Variants in CASR observed in about 807,000 individuals in gnomAD.
The protein encoded by CASR is calcium sensing receptor.
In CASR, 23 loss-of-function variants were observed where a neutral mutation model predicts 69.1. The ratio of observed to expected loss-of-function variants is 0.33; its 90% CI spans 0.24 to 0.47. The LOEUF (loss-of-function observed/expected upper bound fraction) is 0.47, where lower values mean the gene tolerates loss of function less well. Ranked by LOEUF, CASR falls within the 20% of genes least tolerant of loss-of-function variation. CASR has a pLI of 1.00. For synonymous variants in CASR, 541 were observed against 544.7 expected (o/e 0.99, Z 0.10); for missense variants, 924 against 1,356.1 (o/e 0.68, Z 5.00).
chr3:122,215,106 T>C (rs201168165), intron 1 of CASR, among the ~76,000 whole-genome samples: 1 of 12,012 alleles, frequency 8.3e-5, no homozygotes, highest in Non-Finnish European at 2.5e-4. Context: ...GAGAAAGTCT[T>C]TGCCTATGCA....
intron 4 of CASR, among the ~76,000 whole-genome samples, chr3:122,264,166 T>C (rs2074660444): frequency 6.7e-6 from 1 of 149,362 alleles, no homozygotes; most frequent in South Asian, 2.1e-4. Flanking sequence ...AGTTGTGTAA[T>C]AGAAAGCCCT....
At chr3:122,184,645 G>C (rs1351911410) in intron 1 of CASR, 4 of 152,526 alleles carry the variant, frequency 2.6e-5, no homozygotes, top group Non-Finnish European at 5.9e-5. Context: ...CGCCGGAGCA[G>C]CTCCAGCCTG....
intron 5 of CASR, among the ~76,000 whole-genome samples, chr3:122,280,211 C>T (rs956906819): frequency 1.3e-5 from 2 of 152,140 alleles, no homozygotes; most frequent in Non-Finnish European, 2.9e-5. Context: ...GAACATACCT[C>T]GAAATAATAA....
At chr3:122,252,459 G>GAGAAAGAAAGAAAGAAAGAAAAAAAAGAA (rs2074506964) in intron 1 of CASR, among the ~76,000 whole-genome samples, 1 of 62,288 alleles carries the variant, frequency 1.6e-5, no homozygotes, top group Non-Finnish European at 3.1e-5. Context: ...AAAAAGAAAA[G>GAGAAAGAAAGAAAGAAAGAAAAAAAAGAA]AAAGAAAAGA....
chr3:122,243,253 G>C (rs568273211), intron 1 of CASR, among the ~76,000 whole-genome samples: 2 of 152,256 alleles, frequency 1.3e-5, no homozygotes, highest in Non-Finnish European at 2.9e-5. Context: ...CAGAATGTGA[G>C]AAAATATTCG....
chr3:122,287,546 G>A lies in CASR; in HGVS notation c.*2355G>A, dbSNP rs2074980531. 6.6e-6 allele frequency: 1 copy of A among 152,252 alleles called. No individual in the cohort carries two copies. Among genetic ancestry groups the A allele is most frequent in the Non-Finnish European group, 1.5e-5 (1 of 68,044 alleles). 9.4% of individuals were successfully genotyped at this position (152,252 alleles called of 1,614,324 possible). Reference sequence around the variant, plus strand: ...CAGTGTTTTCTGAGCCAATTTAGATGTTTGGGGATCAATTCAGAGGTTGTT... The same window carrying A: ...CAGTGTTTTCTGAGCCAATTTAGATATTTGGGGATCAATTCAGAGGTTGTT... On this transcript the variant is annotated 3_prime_UTR_variant, in exon 7 of 7. Coordinates refer to ENST00000639785, the MANE Select transcript of CASR (RefSeq NM_000388.4).
chr3:122,225,571 A>C (rs1396219718), intron 1 of CASR, among the ~76,000 whole-genome samples: 1 of 144,906 alleles, frequency 6.9e-6, no homozygotes, highest in Admixed American at 6.8e-5. Context: ...AAAAAAAAAA[A>C]AACAGATGTT....
chr3:122,268,322 G>C (rs2074717108), intron 4 of CASR, among the ~76,000 whole-genome samples: 1 of 152,336 alleles, frequency 6.6e-6, no homozygotes, highest in Non-Finnish European at 1.5e-5. Flanking sequence ...AGAGAAGTCA[G>C]AATGATTTTC....
At position 122,285,602 on chromosome 3, in the gene CASR, TCC is replaced by T; in HGVS notation, c.*412_*413del. On this transcript the variant is annotated 3_prime_UTR_variant, in exon 7 of 7. Coordinates refer to ENST00000639785, the MANE Select transcript of CASR (RefSeq NM_000388.4). ...AGTCTGAAAGACAGAATGTCACCAGTCCTGCCCAATGCCTTGACAACAGACTG... is the reference window on the plus strand; with the variant it reads ...AGTCTGAAAGACAGAATGTCACCAGTTGCCCAATGCCTTGACAACAGACTG... 1 of 218,418 alleles carries T rather than the reference TCC, an allele frequency of 4.6e-6. No individual in the cohort carries two copies. Among genetic ancestry groups the T allele is most frequent in the Non-Finnish European group, 9.3e-6 (1 of 108,024 alleles). 13.5% of individuals were successfully genotyped at this position (218,418 alleles called of 1,614,324 possible). A position where few individuals can be genotyped will look rare whatever the true frequency, so the allele number is the denominator to read the frequency against.
At chr3:122,204,820 GATA>G (rs2073990849) in intron 1 of CASR, among the ~76,000 whole-genome samples, 3 of 151,972 alleles carry the variant, frequency 2.0e-5, no homozygotes, top group Admixed American at 2.0e-4. Context: ...TGTCTCTGAT[GATA>G]CATGATGTTG....
intron 4 of CASR, among the ~76,000 whole-genome samples, chr3:122,267,434 A>T (rs1015254826): frequency 2.6e-5 from 4 of 152,240 alleles, no homozygotes; most frequent in Non-Finnish European, 5.9e-5. Context: ...AGGAAAAAAA[A>T]ATATCATTTG....
intron 1 of CASR, among the ~76,000 whole-genome samples, chr3:122,242,426 C>T (rs1260125018): frequency 2.6e-5 from 4 of 151,986 alleles, no homozygotes; most frequent in African/African-American, 4.8e-5. Context: ...AGTAGTCCCA[C>T]GTATAATAGT....
At position 122,215,411 on chromosome 3, in the gene CASR, T is replaced by G. The variant is rs372158962; in HGVS notation, c.-243+31599T>G. On this transcript the variant is annotated intron_variant, in intron 1 of 6. Coordinates refer to ENST00000639785, the MANE Select transcript of CASR (RefSeq NM_000388.4). The stretch of plus-strand genomic sequence containing the variant: ...ATCTATCTACATCCACAACTCATAA[T>G]TAGCTACTGTAAATATTTTGGCCTA... Among the ~76,000 whole-genome samples the G allele has an allele frequency of 2.8e-4, 42 of 152,354 alleles. No individual in the cohort carries two copies. The South Asian group carries it at 8.5e-3, about 31-fold the overall frequency.
At chr3:122,228,609 G>A (rs890414954) in intron 1 of CASR, among the ~76,000 whole-genome samples, 1 of 152,192 alleles carries the variant, frequency 6.6e-6, no homozygotes, top group African/African-American at 2.4e-5. Context: ...AAAGAGAAGG[G>A]GCTGAAGGAC....
chr3:122,231,169 G>A lies in CASR; in HGVS notation c.-242-22779G>A, dbSNP rs1576836745. 2.0e-5 allele frequency among the ~76,000 whole-genome samples: 3 copies of A among 152,302 alleles called. No homozygotes were observed. In the East Asian group the frequency reaches 5.8e-4, roughly 29 times the overall value. On this transcript the variant is annotated intron_variant, in intron 1 of 6. Coordinates refer to ENST00000639785, the MANE Select transcript of CASR (RefSeq NM_000388.4). ...CTAATCCCATCCACCATGCAGACAG[G>A]ATGCTAACCAGTCTCAGAGGACACC...
chr3:122,201,632 C>A (rs1211837509), intron 1 of CASR, among the ~76,000 whole-genome samples: 3 of 115,910 alleles, frequency 2.6e-5, no homozygotes, highest in South Asian at 2.6e-4. Context: ...GCGGGGGCGA[C>A]CCCCCACCTC....
rs76243271 is a variant in CASR, at chr3:122,197,820, C to T, written c.-243+14008C>T. Among the ~76,000 whole-genome samples the T allele has an allele frequency of 3.7e-3, 564 of 152,304 alleles. 4 individuals carry two copies. The highest frequency in any genetic ancestry group is 0.013 in the African/African-American group (523 of 41,570). On this transcript the variant is annotated intron_variant, in intron 1 of 6. Coordinates refer to ENST00000639785, the MANE Select transcript of CASR (RefSeq NM_000388.4). Reference sequence around the variant, plus strand: ...ATCACTTTGATCATCTGCCTGCCAGCTTTGGCTTCCTTCATTGACCCCCTT... The same window carrying T: ...ATCACTTTGATCATCTGCCTGCCAGTTTTGGCTTCCTTCATTGACCCCCTT...
At chr3:122,236,257 G>A (rs1027609649) in intron 1 of CASR, among the ~76,000 whole-genome samples, 5 of 152,204 alleles carry the variant, frequency 3.3e-5, no homozygotes, top group Admixed American at 3.3e-4. Flanking sequence ...ATTCCAGACA[G>A]TCTTCCTCCA....
At chr3:122,266,576 T>C (rs1390701671) in intron 4 of CASR, among the ~76,000 whole-genome samples, 1 of 152,180 alleles carries the variant, frequency 6.6e-6, no homozygotes, top group Non-Finnish European at 1.5e-5. Context: ...TTTTTGTTTC[T>C]CTTCCCCTTC....
Sources: allele counts gnomAD v4.1 joint callset (sites outside exome capture counted in the v4.1 genomes callset), GRCh38; gene constraint gnomAD v4.1.1; transcripts MANE v1.5; gene names NCBI Gene and HGNC (gene_info 2026-07-23, HGNC 2026-07-21).